ZNF217: variants seen among roughly 807,000 people sequenced by gnomAD.
ZNF217 encodes the protein zinc finger protein 217.
ZNF217 carries 12 observed loss-of-function variants against 73.3 expected under a neutral mutation model. The ratio of observed to expected loss-of-function variants is 0.16; its 90% CI spans 0.10 to 0.27. ZNF217 has a LOEUF of 0.27. Among genes scored for constraint, ZNF217 ranks in the 10% least tolerant of loss-of-function variants. The pLI is 1.00. For synonymous variants in ZNF217, 588 were observed against 516.4 expected (o/e 1.14, Z -1.88); for missense variants, 1,195 against 1,327.8 (o/e 0.90, Z 1.55).
upstream of ZNF217, chr20:53,593,909 C>A (rs533918457): frequency 6.7e-6 from 1 of 149,192 alleles, no homozygotes; most frequent in Admixed American, 6.6e-5. Context: ...CGCGGAGTTT[C>A]TCTCAGCCTT....
chr20:53,583,956 T>C, intron 1 of ZNF217, among the ~76,000 whole-genome samples: 1 of 152,272 alleles, frequency 6.6e-6, no homozygotes, highest in Non-Finnish European at 1.5e-5. Flanking sequence ...CCTTTGTGAA[T>C]GTATAGATTT....
At chr20:53,596,169 C>A, upstream of ZNF217, among the ~76,000 whole-genome samples, 1 of 152,048 alleles carries the variant, frequency 6.6e-6, no homozygotes, top group East Asian at 1.9e-4. Flanking sequence ...TGTTTTCCCC[C>A]TGTGCCCTCC....
In ZNF217 at chr20:53,582,023, C is replaced by T. The variant is rs748561924; in HGVS notation, c.804G>A (p.Leu268=). The change falls in exon 2 of 6, where the codon TTG becomes TTA. Residue 268 remains leucine, a synonymous_variant. Coordinates refer to ENST00000371471, the MANE Select transcript of ZNF217 (RefSeq NM_006526.3). The surrounding 1 kb of genome is among the most constrained non-coding windows in gnomAD (Gnocchi z 4.8). ...GGTGAGATTTTGGTCTCAAGTTGAA[C>T]AACTGCAGGAAGTCCTCCCTCGAGG... The part of the protein sequence containing the change: ...MPSSREDFLQ[L]FNLRPKSHPE... 2 of 1,614,234 alleles carry T rather than the reference C, an allele frequency of 1.2e-6. No individual in the cohort carries two copies. The highest frequency in any genetic ancestry group is 1.7e-5 in the Admixed American group (1 of 60,028).
chr20:53,572,401 G>A (rs1273086879), intron 4 of ZNF217, among the ~76,000 whole-genome samples: 1 of 151,370 alleles, frequency 6.6e-6, no homozygotes, highest in Non-Finnish European at 1.5e-5. Context: ...GCAACAGAGT[G>A]TGACCCTGTC....
chr20:53,571,837 T>C lies in ZNF217; in HGVS notation c.3054A>G (p.Ser1018=), dbSNP rs36029677. 3.1e-6 allele frequency: 5 copies of C among 1,608,906 alleles called. No individual in the cohort carries two copies. Among genetic ancestry groups the C allele is most frequent in the Non-Finnish European group, 4.2e-6 (5 of 1,178,386 alleles). Residue 1018 remains serine (S), a synonymous_variant, in exon 5 of 6, where the codon TCA becomes TCG. Coordinates refer to ENST00000371471, the MANE Select transcript of ZNF217 (RefSeq NM_006526.3). ...CCATGCTGTTAGATAAGTGTTGATA[T>C]GACACAGGCCTTTTTCCTGATTGAA... ...SSTLEGKRPV[S]YQHLSNSMAQ...
chr20:53,592,155 G>C (rs1398732685), intron 1 of ZNF217, among the ~76,000 whole-genome samples: 1 of 152,118 alleles, frequency 6.6e-6, no homozygotes, highest in Non-Finnish European at 1.5e-5. Context: ...AAACGATCTA[G>C]AAAACTGAAA....
At chr20:53,569,795 C>T (rs1025658176) in intron 5 of ZNF217, among the ~76,000 whole-genome samples, 2 of 152,086 alleles carry the variant, frequency 1.3e-5, no homozygotes, top group East Asian at 1.9e-4. Flanking sequence ...GATGACTTAA[C>T]CAAGAATCAG....
chr20:53,585,247 C>A (rs1017715525), intron 1 of ZNF217, among the ~76,000 whole-genome samples: 11 of 152,218 alleles, frequency 7.2e-5, no homozygotes, highest in African/African-American at 2.6e-4. Flanking sequence ...GACACCAGCT[C>A]TACAGTCTCG....
intron 3 of ZNF217, among the ~76,000 whole-genome samples, chr20:53,578,088 G>T (rs1471300419): frequency 6.6e-6 from 1 of 151,914 alleles, no homozygotes; most frequent in East Asian, 1.9e-4. Flanking sequence ...CTCCAGCCGA[G>T]GTGACAGAGC....
At chr20:53,569,435 T>G (rs1007110260) in intron 5 of ZNF217, among the ~76,000 whole-genome samples, 171 bp from the exon 6 acceptor site, 3 of 152,146 alleles carry the variant, frequency 2.0e-5, no homozygotes, top group African/African-American at 4.8e-5. Context: ...CAGGCTGGAG[T>G]GCAGCGGCAC....
At chr20:53,587,197 A>G (rs73911560) in intron 1 of ZNF217, among the ~76,000 whole-genome samples, 3,950 of 152,286 alleles carry the variant, frequency 0.026, 165 homozygotes, top group African/African-American at 0.091. Context: ...TTTGAAATCC[A>G]GTAGGAACCA....
intron 1 of ZNF217, among the ~76,000 whole-genome samples, chr20:53,583,720 A>G (rs1027330649): frequency 4.6e-5 from 7 of 152,274 alleles, no homozygotes; most frequent in Non-Finnish European, 1.0e-4. Context: ...TGAGCACAGA[A>G]ATACAGAAAC....
chr20:53,568,633 G>C lies in ZNF217; in HGVS notation c.*655C>G, dbSNP rs779292939. 7 of 151,972 alleles carry C rather than the reference G, an allele frequency of 4.6e-5. No homozygotes were observed. The highest frequency in any genetic ancestry group is 8.8e-5 in the Non-Finnish European group (6 of 68,026). 9.4% of individuals were successfully genotyped at this position (151,972 alleles called of 1,614,324 possible). A position where few individuals can be genotyped will look rare whatever the true frequency, so the allele number is the denominator to read the frequency against. ...TTGCGATAAAATGCTGCCAGCTTCC[G>C]AATGGCTGACCTCGATATCTGCAGC... On this transcript the variant is annotated 3_prime_UTR_variant, in exon 6 of 6. Transcript: ENST00000371471.
intron 2 of ZNF217, among the ~76,000 whole-genome samples, chr20:53,579,967 C>G (rs1022697580): frequency 6.6e-6 from 1 of 152,204 alleles, no homozygotes; most frequent in African/African-American, 2.4e-5. Context: ...CACCACCTAC[C>G]GGTAACTGGC....
intron 1 of ZNF217, among the ~76,000 whole-genome samples, chr20:53,593,257 G>A (rs945194965): frequency 2.0e-5 from 3 of 152,100 alleles, no homozygotes; most frequent in Non-Finnish European, 4.4e-5. Context: ...GTTTACGGGG[G>A]GATGCCCGTC....
chr20:53,584,081 A>G (rs535968067), intron 1 of ZNF217, among the ~76,000 whole-genome samples: 1 of 152,308 alleles, frequency 6.6e-6, no homozygotes, highest in South Asian at 2.1e-4. Flanking sequence ...GTGGAAAATT[A>G]CTTTATTTAG....
intron 1 of ZNF217, among the ~76,000 whole-genome samples, chr20:53,592,702 C>T (rs1462555025): frequency 2.0e-5 from 3 of 152,000 alleles, no homozygotes; most frequent in African/African-American, 4.8e-5. Context: ...TCCAGCCTCC[C>T]GGGCCCCCAG....
At chr20:53,593,848 G>A (rs1245002259), upstream of ZNF217, 1 of 149,380 alleles carries the variant, frequency 6.7e-6, no homozygotes, top group East Asian at 2.0e-4. Flanking sequence ...ATGAGGAGGA[G>A]CGGGCGCGGA....
chr20:53,581,453 C>T lies in ZNF217; in HGVS notation c.1366+8G>A, dbSNP rs749196904. ...GGAACAGCACGGGACGGAGACAGGG[C>T]AGCTTACCCAGATGGATTCCTTCGG... is the stretch of plus-strand genomic sequence containing the variant. On this transcript the variant is annotated splice_region_variant and intron_variant, in intron 2 of 5. Coordinates refer to ENST00000371471, the MANE Select transcript of ZNF217 (RefSeq NM_006526.3). This position sits in a 1 kb window ranked among gnomAD's most constrained non-coding sequence, Gnocchi z 4.9. 3 of 1,598,170 alleles carry T rather than the reference C, an allele frequency of 1.9e-6. No individual in the cohort carries two copies. Among genetic ancestry groups the T allele is most frequent in the Non-Finnish European group, 1.7e-6 (2 of 1,169,900 alleles).
Sources: gnomAD v4.1 joint callset for allele counts (sites outside exome capture counted in the v4.1 genomes callset) on GRCh38, gnomAD v4.1.1 for gene constraint, Gnocchi (gnomAD v3.1) non-coding constraint, MANE v1.5 for transcripts, NCBI Gene and HGNC (gene_info 2026-07-23, HGNC 2026-07-21) for gene names.